The following TNFRSF10A variants were observed in gnomAD, a reference collection of about 807,000 sequenced individuals.
The protein encoded by TNFRSF10A is TNF receptor superfamily member 10a, also known as tumor necrosis factor receptor superfamily member 10A.
TNFRSF10A carries 44 observed loss-of-function variants against 42.8 expected under a neutral mutation model. That is an observed-to-expected ratio of 1.03 (90% CI 0.81 to 1.32). TNFRSF10A has a LOEUF of 1.32. Among genes scored for constraint, TNFRSF10A ranks in the 40% most tolerant of loss-of-function variants. The pLI is 0.00. For missense variants in TNFRSF10A, 680 were observed against 602.0 expected, an observed-to-expected ratio of 1.13 and a Z score of -1.36; for synonymous variants, 259 against 234.2, an observed-to-expected ratio of 1.11 and a Z score of -0.97.
At position 23,197,142 on chromosome 8, in the gene TNFRSF10A, G is replaced by T. The variant is rs747276115; in HGVS notation, c.1077C>A (p.Asp359Glu). ...RRLLVPANGA[D>E]PTETLMLFFD... ...GAGCAAAACACTTACTCTCAGTGGG[G>T]TCAGCACCATTTGCTGGAACCAGCA... The change falls in exon 9 of 10, where the codon GAC (aspartate) becomes GAA (glutamate). Residue 359 changes from aspartate to glutamate, a missense_variant. By Grantham distance (45) the Asp-to-Glu change is conservative. Transcript: ENST00000221132. The T allele has an allele frequency of 3.1e-6, 5 of 1,614,008 alleles. No individual in the cohort carries two copies. The highest frequency in any genetic ancestry group is 2.7e-5 in the African/African-American group (2 of 74,908).
chr8:23,206,713 T>C (rs4872080), intron 2 of TNFRSF10A, among the ~76,000 whole-genome samples: 141,368 of 152,190 alleles, frequency 0.93, 66,617 homozygotes, highest in East Asian at 1. Flanking sequence ...ACAGATTATA[T>C]AGAAATAAAA....
At chr8:23,224,695 C>T in intron 1 of TNFRSF10A, 61 bp downstream of exon 1, 2 of 1,519,552 alleles carry the variant, frequency 1.3e-6, no homozygotes, top group East Asian at 2.5e-5. Flanking sequence ...CCCCCTCTCT[C>T]TCTGCCCCCT....
At chr8:23,224,347 G>T (rs559294730) in intron 1 of TNFRSF10A, 1 of 175,056 alleles carries the variant, frequency 5.7e-6, no homozygotes, top group Non-Finnish European at 1.2e-5. Context: ...AAGGACGGGG[G>T]TGGGGAGGGA....
At chr8:23,212,837 G>A (rs1328250540) in intron 1 of TNFRSF10A, among the ~76,000 whole-genome samples, 1 of 152,142 alleles carries the variant, frequency 6.6e-6, no homozygotes, top group Non-Finnish European at 1.5e-5. Flanking sequence ...AAGACTAAAG[G>A]TTTTTTCTCC....
rs374571687 is a variant in TNFRSF10A, at chr8:23,225,065, G to C, written c.-4C>G. ...CTCTAGCTGGTGGTGGCGCCATCCT[G>C]CCAGGTCAATCCAAGAAGCAGCGTG... On this transcript the variant is annotated 5_prime_UTR_variant, in exon 1 of 10. Coordinates refer to ENST00000221132, the MANE Select transcript of TNFRSF10A (RefSeq NM_003844.4). The C allele has an allele frequency of 3.5e-5, 53 of 1,511,030 alleles. No individual in the cohort carries two copies. In the African/African-American group the frequency reaches 7.1e-4, roughly 20 times the overall value. The allele number at this position is 1,511,030 out of a possible 1,614,324, so 93.6% of individuals were successfully genotyped here.
chr8:23,207,060 G>C (rs755464279), intron 2 of TNFRSF10A: 1 of 481,274 alleles, frequency 2.1e-6, no homozygotes, highest in Middle Eastern at 7.0e-4. Context: ...CCTTCCGGTG[G>C]CCCAAGATAC....
intron 2 of TNFRSF10A, among the ~76,000 whole-genome samples, chr8:23,211,127 C>T (rs1211717137): frequency 6.6e-6 from 1 of 152,020 alleles, no homozygotes. Flanking sequence ...TCTCTATTTG[C>T]AAATTATATT....
chr8:23,193,841 T>C (rs1033403413), intron 9 of TNFRSF10A, among the ~76,000 whole-genome samples: 1 of 152,242 alleles, frequency 6.6e-6, no homozygotes, highest in African/African-American at 2.4e-5. Flanking sequence ...TGGTATTCTT[T>C]TGTAATACTG....
At chr8:23,197,085 C>G in intron 9 of TNFRSF10A, 47 bp downstream of exon 9, 1 of 1,612,574 alleles carries the variant, frequency 6.2e-7, no homozygotes, top group Non-Finnish European at 8.5e-7. Context: ...AGGACACCGT[C>G]CCTATTCCCA....
intron 1 of TNFRSF10A, among the ~76,000 whole-genome samples, chr8:23,218,756 C>G (rs1255852013): frequency 2.6e-5 from 4 of 152,128 alleles, no homozygotes; most frequent in Non-Finnish European, 4.4e-5. Context: ...TGCTGCTGCC[C>G]CGAGGGTTGC....
At chr8:23,206,850 A>G in intron 2 of TNFRSF10A, 1 of 200,606 alleles carries the variant, frequency 5.0e-6, no homozygotes, top group Admixed American at 5.4e-5. Flanking sequence ...ATGTGAATAG[A>G]CATATAGCAA....
At chr8:23,203,984 C>T (rs553911454) in intron 2 of TNFRSF10A, among the ~76,000 whole-genome samples, 2 of 152,114 alleles carry the variant, frequency 1.3e-5, no homozygotes, top group Admixed American at 6.5e-5. Flanking sequence ...CACTAGGTTT[C>T]ACCAGGATGG....
chr8:23,207,339 G>A (rs777551577), intron 2 of TNFRSF10A: 1 of 590,132 alleles, frequency 1.7e-6, no homozygotes, highest in African/African-American at 1.9e-5. Flanking sequence ...ACCATGTCTT[G>A]GATGTTGCCA....
At chr8:23,196,711 A>G (rs1387531814) in intron 9 of TNFRSF10A, among the ~76,000 whole-genome samples, 1 of 152,166 alleles carries the variant, frequency 6.6e-6, no homozygotes, top group Non-Finnish European at 1.5e-5. Context: ...TAATGAGTGG[A>G]ATATTTTCCA....
chr8:23,224,271 G>T (rs1268328652), intron 1 of TNFRSF10A, among the ~76,000 whole-genome samples: 1 of 129,940 alleles, frequency 7.7e-6, no homozygotes, highest in African/African-American at 3.0e-5. Flanking sequence ...CTACACTCCA[G>T]CCTGGGCGAC....
chr8:23,206,385 A>G (rs1345087177), intron 2 of TNFRSF10A, among the ~76,000 whole-genome samples: 1 of 152,210 alleles, frequency 6.6e-6, no homozygotes, highest in East Asian at 1.9e-4. Context: ...TGCAAGCTCC[A>G]TTCATGGTAA....
At chr8:23,195,051 C>A (rs1313517699) in intron 9 of TNFRSF10A, among the ~76,000 whole-genome samples, 2 of 152,172 alleles carry the variant, frequency 1.3e-5, no homozygotes, top group Non-Finnish European at 2.9e-5. Context: ...CCCAGCTACT[C>A]AGGAGGCTGA....
chr8:23,199,404 C>A lies in TNFRSF10A; in HGVS notation c.876G>T (p.Glu292Asp). ...TCAGAATCTCGTTGTGAGCATTGTC[C>A]TCAGCCCCAGGCCCTCGTAGGAGAC... Reference protein sequence around the residue: ...RLGLLRGPGAEDNAHNEILSN... With the variant: ...RLGLLRGPGADDNAHNEILSN... The change falls in exon 8 of 10, where the codon GAG (glutamate) becomes GAT (aspartate). Residue 292 changes from glutamate to aspartate, a missense_variant. Physicochemically the swap from Glu to Asp is conservative, Grantham distance 45. Coordinates refer to ENST00000221132, the MANE Select transcript of TNFRSF10A (RefSeq NM_003844.4). 6.2e-7 allele frequency: 1 copy of A among 1,614,024 alleles called. No individual in the cohort carries two copies. Among genetic ancestry groups the A allele is most frequent in the East Asian group, 2.2e-5 (1 of 44,876 alleles).
At chr8:23,212,622 T>C (rs1801106968) in intron 1 of TNFRSF10A, among the ~76,000 whole-genome samples, 1 of 152,262 alleles carries the variant, frequency 6.6e-6, no homozygotes, top group Non-Finnish European at 1.5e-5. Flanking sequence ...GGCACTTGGT[T>C]TGTGTTCACA....
Sources: allele counts gnomAD v4.1 joint callset (sites outside exome capture counted in the v4.1 genomes callset), GRCh38; gene constraint gnomAD v4.1.1; transcripts MANE v1.5; gene names NCBI Gene and HGNC (gene_info 2026-07-23, HGNC 2026-07-21).